LEF1: variants seen among roughly 807,000 people sequenced by gnomAD.
LEF1 encodes lymphoid enhancer-binding factor 1.
In LEF1, 14 loss-of-function variants were observed where a neutral mutation model predicts 51.2. That is an observed-to-expected ratio of 0.27 (90% confidence interval 0.18 to 0.43). LEF1 has a LOEUF of 0.43. Among genes scored for constraint, LEF1 ranks in the 20% least tolerant of loss-of-function variants. The probability of loss-of-function intolerance (pLI) is 1.00; values close to 1 mark genes in which losing one functional copy is unlikely to be tolerated. For synonymous variants in LEF1, 185 were observed against 183.2 expected (o/e 1.01, Z -0.08); for missense variants, 386 against 512.0 (o/e 0.75, Z 2.37).
intron 1 of LEF1, chr4:108,166,171 C>T (rs1288445411): frequency 7.9e-7 from 1 of 1,266,126 alleles, no homozygotes; most frequent in Non-Finnish European, 1.1e-6. Flanking sequence ...TTAGGTGCAC[C>T]CTACCCCCGC....
chr4:108,072,367 T>C (rs1738547114), intron 8 of LEF1: 1 of 152,278 alleles, frequency 6.6e-6, no homozygotes. Flanking sequence ...GCTGATTTCA[T>C]GAGACATGAC....
intron 3 of LEF1, among the ~76,000 whole-genome samples, chr4:108,157,938 C>G (rs1744831067): frequency 6.6e-6 from 1 of 152,244 alleles, no homozygotes; most frequent in Non-Finnish European, 1.5e-5. Context: ...GCAAATAGTC[C>G]CAGCTAGATT....
intron 3 of LEF1, among the ~76,000 whole-genome samples, chr4:108,090,644 G>A (rs1739961043): frequency 6.6e-6 from 1 of 152,094 alleles, no homozygotes; most frequent in Non-Finnish European, 1.5e-5. Flanking sequence ...ATAAAAGGTG[G>A]AATGATCAAG....
At chr4:108,162,833 C>T (rs549358199) in intron 3 of LEF1, among the ~76,000 whole-genome samples, 1 of 152,172 alleles carries the variant, frequency 6.6e-6, no homozygotes. Context: ...CACAAGTTAC[C>T]ATTTAGGTAT....
chr4:108,148,164 T>C (rs1744112635), intron 3 of LEF1, among the ~76,000 whole-genome samples: 1 of 152,198 alleles, frequency 6.6e-6, no homozygotes, highest in Non-Finnish European at 1.5e-5. Context: ...ATCAGTTAAC[T>C]TGGCAGCAAT....
intron 3 of LEF1, among the ~76,000 whole-genome samples, chr4:108,120,905 A>G (rs1344194612): frequency 1.3e-5 from 2 of 152,208 alleles, no homozygotes; most frequent in African/African-American, 2.4e-5. Flanking sequence ...GTTTTCCTTA[A>G]AACAATAGGC....
chr4:108,099,185 T>C (rs1740584715), intron 3 of LEF1, among the ~76,000 whole-genome samples: 1 of 152,166 alleles, frequency 6.6e-6, no homozygotes, highest in African/African-American at 2.4e-5. Context: ...TAATTTTACC[T>C]GTCTTTACCT....
chr4:108,142,318 G>T (rs770684004), intron 3 of LEF1, among the ~76,000 whole-genome samples: 1 of 152,194 alleles, frequency 6.6e-6, no homozygotes, highest in Non-Finnish European at 1.5e-5. Context: ...ATTAACAGAA[G>T]AGGAAGAACA....
rs35451963 is a variant in LEF1, at chr4:108,058,568, CA to C, written c.*6+5054del. On this transcript the variant is annotated intron_variant, in intron 11 of 11. Coordinates refer to ENST00000265165, the MANE Select transcript of LEF1 (RefSeq NM_016269.5). Reference sequence around the variant, plus strand: ...TTCTATTACTGTGCTATCAAACCCCCAAATTCCGCCACCAACCTGACAGCTC... The same window carrying C: ...TTCTATTACTGTGCTATCAAACCCCCAATTCCGCCACCAACCTGACAGCTC... 9.8e-3 allele frequency among the ~76,000 whole-genome samples: 1,499 copies of C among 152,308 alleles called. 36 individuals are homozygous for C. The highest frequency in any genetic ancestry group is 0.035 in the African/African-American group (1,435 of 41,558).
intron 3 of LEF1, among the ~76,000 whole-genome samples, chr4:108,103,114 G>T (rs994894705): frequency 6.6e-6 from 1 of 152,258 alleles, no homozygotes; most frequent in Non-Finnish European, 1.5e-5. Flanking sequence ...TTGACCTAGA[G>T]TGGGCCACTA....
chr4:108,060,873 T>C lies in LEF1; in HGVS notation c.*6+2750A>G, dbSNP rs1484968561. The stretch of plus-strand genomic sequence containing the variant: ...TCTCCATAGGGCCTATCTTAGGTGC[T>C]CAATAAATGCTGAATCATGACTATA... On this transcript the variant is annotated intron_variant, in intron 11 of 11. Coordinates refer to ENST00000265165, the MANE Select transcript of LEF1 (RefSeq NM_016269.5). Among the ~76,000 whole-genome samples, 3 of 152,118 alleles carry C rather than the reference T, an allele frequency of 2.0e-5. No homozygotes were observed. The South Asian group carries it at 6.2e-4, about 31-fold the overall frequency.
At chr4:108,163,765 A>G in intron 2 of LEF1, 64 bp from the exon 3 acceptor site, 1 of 1,522,968 alleles carries the variant, frequency 6.6e-7, no homozygotes, top group African/African-American at 1.4e-5. Flanking sequence ...TGTATTTTTC[A>G]TCTGAAAATC....
chr4:108,133,098 C>T (rs1033501896), intron 3 of LEF1, among the ~76,000 whole-genome samples: 3 of 152,194 alleles, frequency 2.0e-5, no homozygotes, highest in South Asian at 2.1e-4. Flanking sequence ...CTCAGCCTCC[C>T]GAGTAGCTGG....
At chr4:108,120,272 C>T (rs571921957) in intron 3 of LEF1, among the ~76,000 whole-genome samples, 3 of 152,222 alleles carry the variant, frequency 2.0e-5, no homozygotes, top group African/African-American at 7.2e-5. Context: ...CTCAAGCAGT[C>T]CTCCTGCCTC....
intron 3 of LEF1, among the ~76,000 whole-genome samples, chr4:108,094,747 G>A (rs779163936): frequency 6.6e-6 from 1 of 152,110 alleles, no homozygotes; most frequent in Non-Finnish European, 1.5e-5. Flanking sequence ...ATAATCTTCT[G>A]GTAATAACTG....
intron 3 of LEF1, among the ~76,000 whole-genome samples, chr4:108,128,446 C>T (rs1215164201): frequency 2.0e-5 from 3 of 150,496 alleles, no homozygotes; most frequent in African/African-American, 7.3e-5. Context: ...ATCAGTAAGT[C>T]ACTGGCAGAA....
rs781389468 is a variant in LEF1, at chr4:108,095,482, CTGTT to C, written c.415-6229_415-6226del. Among the ~76,000 whole-genome samples the C allele has an allele frequency of 1.3e-3, 197 of 152,314 alleles. 2 individuals carry two copies. The highest frequency in any genetic ancestry group is 3.4e-4 in the Non-Finnish European group (23 of 68,026). On this transcript the variant is annotated intron_variant, in intron 3 of 11. Coordinates refer to ENST00000265165, the MANE Select transcript of LEF1 (RefSeq NM_016269.5). ...AAGTCCCTGCTCTTCCTGCCCCACA[CTGTT>C]TGGTGCTCAGCTCCTCTCTCCATCT... is the stretch of plus-strand genomic sequence containing the variant.
At chr4:108,111,493 T>C (rs1741526334) in intron 3 of LEF1, among the ~76,000 whole-genome samples, 1 of 152,188 alleles carries the variant, frequency 6.6e-6, no homozygotes, top group Non-Finnish European at 1.5e-5. Flanking sequence ...CTGCAAAAAG[T>C]GATTCTTTAT....
chr4:108,110,499 A>G (rs1741460578), intron 3 of LEF1, among the ~76,000 whole-genome samples: 1 of 152,178 alleles, frequency 6.6e-6, no homozygotes, highest in African/African-American at 2.4e-5. Context: ...AAAAAACACA[A>G]TGGAGCTTTT....
Sources: gnomAD v4.1 joint callset for allele counts (sites outside exome capture counted in the v4.1 genomes callset) on GRCh38, gnomAD v4.1.1 for gene constraint, MANE v1.5 for transcripts, NCBI Gene and HGNC (gene_info 2026-07-23, HGNC 2026-07-21) for gene names.